Variants in VPS13B observed in about 807,000 individuals in gnomAD.
VPS13B encodes the protein intermembrane lipid transfer protein VPS13B.
In VPS13B, 285 loss-of-function variants were observed where a neutral mutation model predicts 426.4. That is an observed-to-expected ratio of 0.67 (90% CI 0.61 to 0.74). The LOEUF (loss-of-function observed/expected upper bound fraction) is 0.74, where lower values mean the gene tolerates loss of function less well. Among genes scored for constraint, VPS13B ranks in the 30% least tolerant of loss-of-function variants. The pLI, the probability that VPS13B is intolerant of heterozygous loss-of-function variation, is 0.00. For missense variants in VPS13B, 4,537 were observed against 4,782.6 expected (o/e 0.95, Z 1.51); for synonymous variants, 1,676 against 1,676.4 (o/e 1.00, Z 0.01).
chr8:99,379,174 G>A (rs979103982), intron 19 of VPS13B, among the ~76,000 whole-genome samples: 2 of 152,054 alleles, frequency 1.3e-5, no homozygotes, highest in Admixed American at 1.3e-4. Flanking sequence ...AGGTGGAATG[G>A]TTTCATCCTG....
intron 33 of VPS13B, among the ~76,000 whole-genome samples, chr8:99,605,755 G>T (rs1400721910): frequency 1.3e-5 from 2 of 152,182 alleles, no homozygotes; most frequent in Non-Finnish European, 2.9e-5. Context: ...GGGCAGGTGG[G>T]TGGATCTAGG....
chr8:99,129,859 A>T (rs903446470), intron 8 of VPS13B, among the ~76,000 whole-genome samples: 16 of 151,122 alleles, frequency 1.1e-4, no homozygotes, highest in African/African-American at 3.9e-4. Flanking sequence ...CCATCTTTAT[A>T]AAAAAAAATA....
intron 30 of VPS13B, among the ~76,000 whole-genome samples, chr8:99,530,019 T>C (rs1018795693): frequency 2.0e-5 from 3 of 152,230 alleles, no homozygotes; most frequent in Non-Finnish European, 4.4e-5. Flanking sequence ...ATGTATGCAT[T>C]TTCAACTTTC....
At position 99,490,887 on chromosome 8, in the gene VPS13B, G is replaced by T. The variant is rs182275537; in HGVS notation, c.3870+9085G>T. ...TCACTGATTTTTTGAAGGGTTTTTT[G>T]TGTCTCTATCTCCTTCAGTTCTGCT... On this transcript the variant is annotated intron_variant, in intron 25 of 61. Coordinates refer to ENST00000357162, the MANE Select transcript of VPS13B (RefSeq NM_152564.5). 4.9e-3 allele frequency among the ~76,000 whole-genome samples: 738 copies of T among 152,086 alleles called. 5 individuals carry two copies. The highest frequency in any genetic ancestry group is 7.4e-3 in the Non-Finnish European group (503 of 67,966).
intron 29 of VPS13B, among the ~76,000 whole-genome samples, chr8:99,515,143 T>C (rs958624020): frequency 1.3e-5 from 2 of 152,230 alleles, no homozygotes; most frequent in Non-Finnish European, 2.9e-5. Flanking sequence ...CAAATCAGGC[T>C]ATTTAAGAAA....
chr8:99,857,690 G>C (rs1816621711), intron 56 of VPS13B, among the ~76,000 whole-genome samples: 1 of 152,162 alleles, frequency 6.6e-6, no homozygotes, highest in South Asian at 2.1e-4. Context: ...CGTGGAAGCA[G>C]TACCACCATG....
intron 39 of VPS13B, among the ~76,000 whole-genome samples, chr8:99,742,520 CA>C (rs1563893573): frequency 1.3e-5 from 2 of 151,988 alleles, no homozygotes; most frequent in Non-Finnish European, 2.9e-5. Flanking sequence ...GAGACACAAC[CA>C]AAAGAGAGAA....
At chr8:99,311,958 G>T (rs1588237217) in intron 19 of VPS13B, among the ~76,000 whole-genome samples, 1 of 152,056 alleles carries the variant, frequency 6.6e-6, no homozygotes, top group Admixed American at 6.6e-5. Context: ...ATCTTTGTTG[G>T]TTTAAAGTCT....
At position 99,311,781 on chromosome 8, in the gene VPS13B, C is replaced by G. The variant is rs561124225; in HGVS notation, c.2824+36527C>G. Among the ~76,000 whole-genome samples the G allele has an allele frequency of 1.4e-3, 212 of 152,114 alleles. 2 individuals carry two copies. Among genetic ancestry groups the G allele is most frequent in the Non-Finnish European group, 1.6e-3 (106 of 68,026 alleles). On this transcript the variant is annotated intron_variant, in intron 19 of 61. Coordinates refer to ENST00000357162, the MANE Select transcript of VPS13B (RefSeq NM_152564.5). ...TGTTGATAGTGGGGTGTTATAGTCT[C>G]CCATTATTATAGTGTGGGAGTCTAA... is the stretch of plus-strand genomic sequence containing the variant.
At chr8:99,316,522 A>G (rs1190005726) in intron 19 of VPS13B, among the ~76,000 whole-genome samples, 1 of 152,034 alleles carries the variant, frequency 6.6e-6, no homozygotes, top group Non-Finnish European at 1.5e-5. Flanking sequence ...GGGGCCTGTG[A>G]GGGTCAAGGT....
At chr8:99,091,771 T>C (rs1405468360) in intron 3 of VPS13B, 1 of 152,252 alleles carries the variant, frequency 6.6e-6, no homozygotes, top group Non-Finnish European at 1.5e-5. Flanking sequence ...TACTTGCTAC[T>C]GGAGAGGATA....
At position 99,039,054 on chromosome 8, in the gene VPS13B, T is replaced by C. The variant is rs187086596; in HGVS notation, c.291+488T>C. On this transcript the variant is annotated intron_variant, in intron 3 of 61. Coordinates refer to ENST00000357162, the MANE Select transcript of VPS13B (RefSeq NM_152564.5). Reference sequence around the variant, plus strand: ...GTCATTTTTAAATTTGAATAAAGTATGTAAAGGTTGTTTTCATACAGATTT... The same window carrying C: ...GTCATTTTTAAATTTGAATAAAGTACGTAAAGGTTGTTTTCATACAGATTT... 1.1e-3 allele frequency among the ~76,000 whole-genome samples: 173 copies of C among 152,338 alleles called. 2 individuals are homozygous for C. In the Middle Eastern group the frequency reaches 0.014, roughly 12 times the overall value.
In VPS13B at chr8:99,467,403, C is replaced by T. The variant is rs749898086; in HGVS notation, c.3446-11C>T. 1.2e-6 allele frequency: 2 copies of T among 1,610,366 alleles called. No homozygotes were observed. Among genetic ancestry groups the T allele is most frequent in the East Asian group, 2.2e-5 (1 of 44,842 alleles). The stretch of plus-strand genomic sequence containing the variant: ...GTGTGCTTCCCTATTCCCTTTTATC[C>T]CCTATATCAGGTGATGCTTTTCCTT... On this transcript the variant is annotated splice_polypyrimidine_tract_variant and intron_variant, in intron 23 of 61. Coordinates refer to ENST00000357162, the MANE Select transcript of VPS13B (RefSeq NM_152564.5).
At chr8:99,420,358 T>C (rs1158249486) in intron 21 of VPS13B, among the ~76,000 whole-genome samples, 2 of 152,102 alleles carry the variant, frequency 1.3e-5, no homozygotes, top group African/African-American at 2.4e-5. Flanking sequence ...CATTATTCAG[T>C]CTCCCAGAAT....
intron 30 of VPS13B, among the ~76,000 whole-genome samples, chr8:99,523,621 C>T (rs1420571221): frequency 6.6e-6 from 1 of 152,186 alleles, no homozygotes; most frequent in African/African-American, 2.4e-5. Flanking sequence ...TCCAAGACTA[C>T]CAAGGTGGCA....
chr8:99,148,137 G>T, intron 14 of VPS13B, 127 bp downstream of exon 14: 1 of 1,024,930 alleles, frequency 9.8e-7, no homozygotes, highest in South Asian at 1.4e-5. Context: ...TGGCAATTCA[G>T]GAGGCTGGGG....
At chr8:99,182,380 T>A (rs903214857) in intron 16 of VPS13B, among the ~76,000 whole-genome samples, 1 of 152,160 alleles carries the variant, frequency 6.6e-6, no homozygotes, top group African/African-American at 2.4e-5. Context: ...GGGGAGATGG[T>A]GATTTCAGTA....
At chr8:99,193,138 T>C in intron 17 of VPS13B, 81 bp downstream of exon 17, 1 of 1,345,188 alleles carries the variant, frequency 7.4e-7, no homozygotes, top group African/African-American at 1.5e-5. Context: ...AATCCATATG[T>C]CTAGCATGGT....
chr8:99,076,962 G>T (rs932438230), intron 3 of VPS13B, among the ~76,000 whole-genome samples: 1 of 151,744 alleles, frequency 6.6e-6, no homozygotes, highest in Non-Finnish European at 1.5e-5. Flanking sequence ...TTGTGGTTTC[G>T]TGTTTTTCTG....
Sources: allele counts gnomAD v4.1 joint callset (sites outside exome capture counted in the v4.1 genomes callset), GRCh38; gene constraint gnomAD v4.1.1; transcripts MANE v1.5; gene names NCBI Gene and HGNC (gene_info 2026-07-23, HGNC 2026-07-21).